Variants in NKAIN3 observed in about 807,000 individuals in gnomAD.
NKAIN3 encodes sodium/potassium-transporting ATPase subunit beta-1-interacting protein 3.
NKAIN3 carries 25 observed loss-of-function variants against 30.2 expected under a neutral mutation model. That is an observed-to-expected ratio of 0.83 (90% CI 0.60 to 1.16). The LOEUF (loss-of-function observed/expected upper bound fraction) is 1.16, where lower values mean the gene tolerates loss of function less well. Among genes scored for constraint, NKAIN3 ranks in the 50% most tolerant of loss-of-function variants. The pLI is 0.00. For synonymous variants in NKAIN3, 91 were observed against 89.6 expected (o/e 1.02, Z -0.09); for missense variants, 225 against 254.1 (o/e 0.89, Z 0.78).
chr8:62,748,758 G>A (rs981338595), intron 4 of NKAIN3, among the ~76,000 whole-genome samples: 1 of 152,146 alleles, frequency 6.6e-6, no homozygotes, highest in Non-Finnish European at 1.5e-5. Context: ...CTCAAAGAAA[G>A]GGATTGCACC....
intron 3 of NKAIN3, among the ~76,000 whole-genome samples, chr8:62,640,255 G>A (rs1037379519): frequency 2.6e-5 from 4 of 152,090 alleles, no homozygotes; most frequent in South Asian, 2.1e-4. Context: ...CCTAGTGGGA[G>A]GTGATAGGAT....
intron 1 of NKAIN3, among the ~76,000 whole-genome samples, chr8:62,507,335 T>C (rs1807674290): frequency 6.6e-6 from 1 of 152,188 alleles, no homozygotes; most frequent in Non-Finnish European, 1.5e-5. Flanking sequence ...AATCAGTACC[T>C]CAGCAACTAT....
At chr8:62,587,647 CTAAA>C (rs1334324516) in intron 2 of NKAIN3, among the ~76,000 whole-genome samples, 5 of 151,928 alleles carry the variant, frequency 3.3e-5, no homozygotes, top group South Asian at 4.1e-4. Context: ...AACTCTGACA[CTAAA>C]TAGGTGATTA....
intron 1 of NKAIN3, among the ~76,000 whole-genome samples, chr8:62,505,834 T>C (rs925683919): frequency 1.3e-5 from 2 of 152,176 alleles, no homozygotes; most frequent in Non-Finnish European, 2.9e-5. Context: ...AGTTATCTTA[T>C]AATTCTGTAG....
At chr8:62,722,794 A>C (rs142327452) in intron 3 of NKAIN3, among the ~76,000 whole-genome samples, 1 of 152,250 alleles carries the variant, frequency 6.6e-6, no homozygotes, top group Non-Finnish European at 1.5e-5. Context: ...ACTCTAATGG[A>C]GAGTCAGGCA....
At chr8:62,637,780 A>G (rs1028387399) in intron 3 of NKAIN3, among the ~76,000 whole-genome samples, 2 of 152,144 alleles carry the variant, frequency 1.3e-5, no homozygotes, top group Non-Finnish European at 2.9e-5. Context: ...CTTCTGTCCC[A>G]CACATGAGAG....
chr8:62,370,819 C>T (rs1263124876), intron 1 of NKAIN3, among the ~76,000 whole-genome samples: 1 of 151,996 alleles, frequency 6.6e-6, no homozygotes, highest in African/African-American at 2.4e-5. Context: ...TTGGAGCAGA[C>T]CCAGAAGAAA....
chr8:62,902,062 GCA>G (rs925207214), intron 4 of NKAIN3, among the ~76,000 whole-genome samples: 5 of 152,202 alleles, frequency 3.3e-5, no homozygotes, highest in African/African-American at 7.2e-5. Context: ...GGGGATCAGA[GCA>G]CAGCTGCTCT....
At chr8:62,293,595 G>T (rs1387309042) in intron 1 of NKAIN3, among the ~76,000 whole-genome samples, 1 of 152,152 alleles carries the variant, frequency 6.6e-6, no homozygotes, top group East Asian at 1.9e-4. Flanking sequence ...CCTTCTTCTG[G>T]ATGCTTCATC....
intron 4 of NKAIN3, among the ~76,000 whole-genome samples, chr8:62,805,854 A>G (rs62509366): frequency 0.19 from 28,366 of 152,176 alleles, 2,948 homozygotes; most frequent in East Asian, 0.29. Flanking sequence ...CTACCATCAG[A>G]GTATACAGGC....
At chr8:62,659,992 T>C (rs1437626856) in intron 3 of NKAIN3, among the ~76,000 whole-genome samples, 2 of 152,216 alleles carry the variant, frequency 1.3e-5, no homozygotes, top group Non-Finnish European at 2.9e-5. Flanking sequence ...ATTAAACCTC[T>C]TTCTTTTGTA....
intron 4 of NKAIN3, among the ~76,000 whole-genome samples, chr8:62,867,600 C>T (rs971390357): frequency 3.3e-5 from 5 of 152,204 alleles, no homozygotes; most frequent in East Asian, 3.8e-4. Context: ...TCATCCATGA[C>T]TGCTCTCTTC....
chr8:62,798,446 C>G (rs919835685), intron 4 of NKAIN3, among the ~76,000 whole-genome samples: 39 of 151,898 alleles, frequency 2.6e-4, no homozygotes, highest in African/African-American at 9.4e-4. Context: ...GTGGTGGGCA[C>G]CAGTAGTCCC....
rs1353383658 is a variant in NKAIN3 at position 62,268,675 on chromosome 8, T to C, written c.54+19548T>C. Reference sequence around the variant, plus strand: ...CCCTCCACACAGTCAGTATTATCCCTCTTTTATAGATAGGGAAAAGGAGAC... The same window carrying C: ...CCCTCCACACAGTCAGTATTATCCCCCTTTTATAGATAGGGAAAAGGAGAC... On this transcript the variant is annotated intron_variant, in intron 1 of 6. Coordinates refer to ENST00000623646, the MANE Select transcript of NKAIN3 (RefSeq NM_001304533.3). Among the ~76,000 whole-genome samples, 3 of 152,180 alleles carry C rather than the reference T, an allele frequency of 2.0e-5. No individual in the cohort carries two copies. The East Asian group carries it at 5.8e-4, about 29-fold the overall frequency.
rs539651275 is a variant in NKAIN3, at chr8:62,530,000, T to G, written c.55-49539T>G. ...GCTATCTGCCCAGCTCTGTTGACTT[T>G]GCACTGACTCAGTTTGGTTACTCTA... On this transcript the variant is annotated intron_variant, in intron 1 of 6. Transcript: ENST00000623646. Among the ~76,000 whole-genome samples the G allele has an allele frequency of 1.6e-4, 25 of 152,308 alleles. No individual in the cohort carries two copies. The South Asian group carries it at 5.0e-3, about 30-fold the overall frequency.
intron 4 of NKAIN3, among the ~76,000 whole-genome samples, chr8:62,776,993 T>C (rs1258622458): frequency 1.3e-5 from 2 of 152,202 alleles, no homozygotes; most frequent in African/African-American, 4.8e-5. Context: ...TGGTGAAAGC[T>C]TTTTCCTTCA....
chr8:62,270,757 T>C (rs1226126451), intron 1 of NKAIN3, among the ~76,000 whole-genome samples: 1 of 152,186 alleles, frequency 6.6e-6, no homozygotes, highest in African/African-American at 2.4e-5. Flanking sequence ...CATTTCACTC[T>C]GTGATTCTTT....
intron 4 of NKAIN3, among the ~76,000 whole-genome samples, chr8:62,810,144 A>G (rs1261162737): frequency 6.6e-6 from 1 of 152,148 alleles, no homozygotes; most frequent in African/African-American, 2.4e-5. Flanking sequence ...AATCATATTC[A>G]TGAGTTTTAG....
At chr8:62,328,967 G>A (rs537509987) in intron 1 of NKAIN3, among the ~76,000 whole-genome samples, 2 of 152,142 alleles carry the variant, frequency 1.3e-5, no homozygotes, top group South Asian at 4.2e-4. Flanking sequence ...GGTAGTAAAA[G>A]ATCGACTTCC....
Sources: allele counts gnomAD v4.1 joint callset (sites outside exome capture counted in the v4.1 genomes callset), GRCh38; gene constraint gnomAD v4.1.1; transcripts MANE v1.5; gene names NCBI Gene and HGNC (gene_info 2026-07-23, HGNC 2026-07-21).